The following RAP1A variants were observed in gnomAD, a reference collection of about 807,000 sequenced individuals.
The protein encoded by RAP1A is RAP1A, member of RAS oncogene family.
Under a neutral mutation model 26.4 loss-of-function variants are expected in RAP1A, and 6 were observed. That is an observed-to-expected ratio of 0.23 (90% confidence interval 0.12 to 0.45). The LOEUF (loss-of-function observed/expected upper bound fraction) is 0.45, where lower values mean the gene tolerates loss of function less well. Ranked by LOEUF, RAP1A falls within the 20% of genes least tolerant of loss-of-function variation. The pLI is 0.99. For synonymous variants in RAP1A, 73 were observed against 79.4 expected (o/e 0.92, Z 0.43); for missense variants, 121 against 217.2 (o/e 0.56, Z 2.78).
intron 1 of RAP1A, among the ~76,000 whole-genome samples, chr1:111,623,554 G>A (rs1659288427): frequency 6.6e-6 from 1 of 151,986 alleles, no homozygotes; most frequent in Non-Finnish European, 1.5e-5. Context: ...TTACAGGCAC[G>A]TGCCACCACA....
intron 4 of RAP1A, among the ~76,000 whole-genome samples, chr1:111,701,273 G>A (rs921128270): frequency 6.6e-6 from 1 of 152,026 alleles, no homozygotes; most frequent in Non-Finnish European, 1.5e-5. Flanking sequence ...TCCCTTTGGG[G>A]CCTTTGCATT....
intron 1 of RAP1A, among the ~76,000 whole-genome samples, chr1:111,682,101 A>G (rs1010292359): frequency 6.6e-6 from 1 of 152,200 alleles, no homozygotes; most frequent in African/African-American, 2.4e-5. Context: ...ACTAAGCTTC[A>G]TAAGCGAGGG....
At chr1:111,606,447 T>C (rs1256916356) in intron 1 of RAP1A, among the ~76,000 whole-genome samples, 1 of 152,230 alleles carries the variant, frequency 6.6e-6, no homozygotes, top group African/African-American at 2.4e-5. Context: ...AACACTATTT[T>C]CATATAGACC....
At position 111,619,805 on chromosome 1, in the gene RAP1A, C is replaced by T. The variant is rs986956128; in HGVS notation, c.-157C>T. The stretch of plus-strand genomic sequence containing the variant: ...GGAGGCGCCGCCGCCGCTCCCGAGG[C>T]CCCTGCCGCCGCCGCTCCCGCTGCT... On this transcript the variant is annotated 5_prime_UTR_variant, in exon 1 of 8. Coordinates refer to ENST00000369709, the MANE Select transcript of RAP1A (RefSeq NM_002884.4). 13 of 398,816 alleles carry T rather than the reference C, an allele frequency of 3.3e-5. No individual in the cohort carries two copies. The highest frequency in any genetic ancestry group is 4.9e-5 in the Non-Finnish European group (11 of 226,708). 24.7% of individuals were successfully genotyped at this position (398,816 alleles called of 1,614,324 possible).
intron 5 of RAP1A, 126 bp from the exon 6 acceptor site, chr1:111,704,217 A>T: frequency 1.2e-6 from 1 of 829,414 alleles, no homozygotes; most frequent in Non-Finnish European, 1.7e-6. Context: ...TTTCGTTAGT[A>T]TTTGATGAAG....
At chr1:111,664,436 C>T (rs1660741883) in intron 1 of RAP1A, among the ~76,000 whole-genome samples, 1 of 150,672 alleles carries the variant, frequency 6.6e-6, no homozygotes, top group Non-Finnish European at 1.5e-5. Context: ...GTCCTTTCCT[C>T]TCTCACCCTT....
At chr1:111,623,572 A>G (rs994180068) in intron 1 of RAP1A, among the ~76,000 whole-genome samples, 7 of 151,592 alleles carry the variant, frequency 4.6e-5, no homozygotes, top group African/African-American at 1.7e-4. Context: ...ACACCCGGCT[A>G]ATTTTTGTAT....
chr1:111,679,718 A>T (rs1571554486), intron 1 of RAP1A, among the ~76,000 whole-genome samples: 1 of 152,076 alleles, frequency 6.6e-6, no homozygotes, highest in African/African-American at 2.4e-5. Flanking sequence ...GCTTGGTGGG[A>T]GGTGGGGCGT....
chr1:111,701,546 A>G (rs977321545), intron 4 of RAP1A, among the ~76,000 whole-genome samples: 5 of 152,164 alleles, frequency 3.3e-5, no homozygotes, highest in Non-Finnish European at 7.4e-5. Flanking sequence ...TCTCATGATC[A>G]CTAACATATC....
At chr1:111,702,267 C>T (rs1258195313) in intron 4 of RAP1A, among the ~76,000 whole-genome samples, 1 of 152,096 alleles carries the variant, frequency 6.6e-6, no homozygotes, top group East Asian at 1.9e-4. Context: ...CCAAGACATA[C>T]ACATTTTTAA....
chr1:111,558,011 G>C (rs1657572245), intron 1 of RAP1A, among the ~76,000 whole-genome samples: 1 of 152,028 alleles, frequency 6.6e-6, no homozygotes, highest in Admixed American at 6.5e-5. Context: ...TTGAATAAAG[G>C]CATAGAATCT....
intron 6 of RAP1A, among the ~76,000 whole-genome samples, chr1:111,707,780 A>G (rs1662241539): frequency 6.6e-6 from 1 of 152,232 alleles, no homozygotes; most frequent in South Asian, 2.1e-4. Context: ...CTTTGGCATC[A>G]GAATTAAAAT....
At chr1:111,556,478 T>C (rs1190648079) in intron 1 of RAP1A, among the ~76,000 whole-genome samples, 1 of 152,162 alleles carries the variant, frequency 6.6e-6, no homozygotes, top group African/African-American at 2.4e-5. Flanking sequence ...TACTCACAGT[T>C]GCCATAGGGT....
upstream of RAP1A, among the ~76,000 whole-genome samples, chr1:111,619,192 G>T (rs1278693004): frequency 2.0e-5 from 3 of 152,212 alleles, no homozygotes; most frequent in Non-Finnish European, 2.9e-5. Flanking sequence ...AGCTTGGAAA[G>T]GCTATTCCTC....
At chr1:111,564,564 G>A (rs1227161487) in intron 1 of RAP1A, among the ~76,000 whole-genome samples, 6 of 147,144 alleles carry the variant, frequency 4.1e-5, no homozygotes, top group African/African-American at 1.5e-4. Flanking sequence ...CCAGGCTAGA[G>A]TGCAGTGGCA....
chr1:111,688,638 C>T (rs1661569432), intron 1 of RAP1A, among the ~76,000 whole-genome samples: 2 of 151,780 alleles, frequency 1.3e-5, no homozygotes, highest in South Asian at 4.2e-4. Context: ...TATATTTTAA[C>T]TTTGTTTCTA....
At chr1:111,689,579 C>T (rs923694484) in intron 1 of RAP1A, among the ~76,000 whole-genome samples, 3 of 151,906 alleles carry the variant, frequency 2.0e-5, no homozygotes, top group Admixed American at 6.6e-5. Flanking sequence ...AATTTTTGAG[C>T]GTATTTATAA....
intron 1 of RAP1A, chr1:111,686,628 C>G (rs904096696): frequency 2.1e-5 from 3 of 141,596 alleles, no homozygotes; most frequent in African/African-American, 7.9e-5. Context: ...GAGGTGGAGA[C>G]TGCAGTGAGT....
intron 1 of RAP1A, among the ~76,000 whole-genome samples, chr1:111,688,846 T>G (rs550289): frequency 0.12 from 17,285 of 148,764 alleles, 1,287 homozygotes; most frequent in East Asian, 0.2. Flanking sequence ...TTTTTTGTTT[T>G]GTTTTTGAGA....
Sources: allele counts gnomAD v4.1 joint callset (sites outside exome capture counted in the v4.1 genomes callset), GRCh38; gene constraint gnomAD v4.1.1; transcripts MANE v1.5; gene names NCBI Gene and HGNC (gene_info 2026-07-23, HGNC 2026-07-21).